NCKAP5: variants seen among roughly 807,000 people sequenced by gnomAD.
NCKAP5 encodes the protein nck-associated protein 5.
NCKAP5 carries 92 observed loss-of-function variants against 167.0 expected under a neutral mutation model. That is an observed-to-expected ratio of 0.55 (90% CI 0.47 to 0.66). The LOEUF is 0.66. NCKAP5 is among the 30% of genes least tolerant of loss of function. The pLI is 0.00. For synonymous variants in NCKAP5, 891 were observed against 877.4 expected (o/e 1.02, Z -0.27); for missense variants, 2,378 against 2,315.0 (o/e 1.03, Z -0.56).
intron 19 of NCKAP5, among the ~76,000 whole-genome samples, chr2:132,720,828 A>C (rs1689845362): frequency 6.6e-6 from 1 of 151,816 alleles, no homozygotes; most frequent in Admixed American, 6.6e-5. Context: ...GGCCAACATA[A>C]TGAAACTCCA....
chr2:133,537,389 G>T (rs1389442437), intron 2 of NCKAP5, among the ~76,000 whole-genome samples: 1 of 152,080 alleles, frequency 6.6e-6, no homozygotes, highest in Admixed American at 6.6e-5. Flanking sequence ...TCAATCTGGG[G>T]AGTAGTGCCA....
At chr2:133,102,571 A>C (rs551557668) in intron 6 of NCKAP5, among the ~76,000 whole-genome samples, 1 of 152,270 alleles carries the variant, frequency 6.6e-6, no homozygotes, top group South Asian at 2.1e-4. Context: ...GTAAACTGCT[A>C]TTTGTCCAAG....
chr2:132,818,040 C>T (rs1050312596), intron 11 of NCKAP5, among the ~76,000 whole-genome samples: 18 of 152,196 alleles, frequency 1.2e-4, no homozygotes, highest in African/African-American at 1.9e-4. Context: ...CTCCACCTCT[C>T]GAGCTCAAAC....
At chr2:132,713,419 A>G (rs1355211782) in intron 19 of NCKAP5, among the ~76,000 whole-genome samples, 1 of 152,204 alleles carries the variant, frequency 6.6e-6, no homozygotes, top group Non-Finnish European at 1.5e-5. Context: ...AAGGGAGGGA[A>G]GACATGTGCT....
intron 3 of NCKAP5, among the ~76,000 whole-genome samples, chr2:133,411,174 G>A (rs1574906173): frequency 1.3e-5 from 2 of 152,276 alleles, no homozygotes; most frequent in East Asian, 3.9e-4. Context: ...CAATGGGAAC[G>A]CTGAATTCCA....
intron 16 of NCKAP5, among the ~76,000 whole-genome samples, chr2:132,736,348 T>C (rs532554812): frequency 6.6e-6 from 1 of 152,346 alleles, no homozygotes; most frequent in African/African-American, 2.4e-5. Context: ...TGTTAAGATA[T>C]TGTACTTCTG....
In NCKAP5 at chr2:133,169,109, G is replaced by C. The variant is rs77435866; in HGVS notation, c.208-38998C>G. 7.3e-4 allele frequency among the ~76,000 whole-genome samples: 111 copies of C among 152,278 alleles called. 2 individuals are homozygous for C. In the East Asian group the frequency reaches 0.02, roughly 27 times the overall value. On this transcript the variant is annotated intron_variant, in intron 5 of 19. Transcript: ENST00000409261. Reference sequence around the variant, plus strand: ...TATACCAGCATCTGTCAGTAGCAGTGAATGTATAAAATAAACATCATAAAG... The same window carrying C: ...TATACCAGCATCTGTCAGTAGCAGTCAATGTATAAAATAAACATCATAAAG...
rs142961626 is a variant in NCKAP5 at position 133,311,129 on chromosome 2, C to T, written c.70-8019G>A. 1.1e-4 allele frequency among the ~76,000 whole-genome samples: 17 copies of T among 152,258 alleles called. No individual in the cohort carries two copies. In the East Asian group the frequency reaches 1.7e-3, roughly 16 times the overall value. On this transcript the variant is annotated intron_variant, in intron 3 of 19. Transcript: ENST00000409261. ...AGGGCTCAGTCCCATAAGACTGCCC[C>T]GGCTTCAGACACCAATCACAAGTAC...
At chr2:133,300,348 T>C (rs1332764440) in intron 4 of NCKAP5, among the ~76,000 whole-genome samples, 2 of 133,562 alleles carry the variant, frequency 1.5e-5, no homozygotes, top group Admixed American at 7.1e-5. Context: ...TAGACGAATA[T>C]CCTTGATGAA....
chr2:133,537,761 C>T (rs1241076335), intron 2 of NCKAP5, among the ~76,000 whole-genome samples: 2 of 151,982 alleles, frequency 1.3e-5, no homozygotes, highest in African/African-American at 4.8e-5. Context: ...CATGAAAAGA[C>T]TCATAGGGTT....
intron 5 of NCKAP5, among the ~76,000 whole-genome samples, chr2:133,202,670 A>T (rs2085751920): frequency 3.9e-5 from 6 of 152,124 alleles, no homozygotes; most frequent in Non-Finnish European, 1.5e-5. Context: ...GAATCTACAA[A>T]GAACTTCAAC....
chr2:133,472,081 A>G (rs1559510044), intron 3 of NCKAP5, among the ~76,000 whole-genome samples: 2 of 152,154 alleles, frequency 1.3e-5, no homozygotes, highest in Non-Finnish European at 2.9e-5. Context: ...CCACCATCTT[A>G]ACTCTAATAC....
intron 19 of NCKAP5, among the ~76,000 whole-genome samples, chr2:132,706,025 C>T (rs547855212): frequency 3.9e-5 from 6 of 152,050 alleles, no homozygotes; most frequent in African/African-American, 1.4e-4. Flanking sequence ...TGCATATGTA[C>T]ACAATATATA....
chr2:133,637,583 GAAA>G, the NCKAP5 span, among the ~76,000 whole-genome samples: 13,375 of 147,122 alleles, frequency 0.091, 653 homozygotes, highest in African/African-American at 0.11. Context: ...GAAATATAAT[GAAA>G]ATGGAGTTAT....
the NCKAP5 span, among the ~76,000 whole-genome samples, chr2:133,620,179 GA>G: frequency 1.3e-5 from 2 of 150,376 alleles, no homozygotes; most frequent in African/African-American, 4.9e-5. Flanking sequence ...ATAACACAAT[GA>G]AAAAAAAAGG....
At chr2:133,349,485 C>T (rs1013793691) in intron 3 of NCKAP5, among the ~76,000 whole-genome samples, 2 of 152,204 alleles carry the variant, frequency 1.3e-5, no homozygotes, top group African/African-American at 4.8e-5. Context: ...CTGTCTTCCT[C>T]GACGGCACTT....
At chr2:133,213,632 T>C (rs530999797) in intron 5 of NCKAP5, 84 bp downstream of exon 5, 2 of 1,318,264 alleles carry the variant, frequency 1.5e-6, no homozygotes, top group South Asian at 2.5e-5. Context: ...ATATTTTCCT[T>C]AGATATCCTT....
intron 5 of NCKAP5, among the ~76,000 whole-genome samples, chr2:133,132,481 GCACACACACACA>G (rs373384379): frequency 1.1e-4 from 14 of 129,996 alleles, no homozygotes; most frequent in African/African-American, 3.2e-4. Flanking sequence ...GAAAAAAAAA[GCACACACACACA>G]CACACACACA....
the NCKAP5 span, among the ~76,000 whole-genome samples, chr2:133,613,990 T>G: frequency 6.6e-6 from 1 of 152,176 alleles, no homozygotes; most frequent in Non-Finnish European, 1.5e-5. Context: ...AGATGGCAGA[T>G]AGCAGGCAGG....
Sources: gnomAD v4.1 joint callset for allele counts (sites outside exome capture counted in the v4.1 genomes callset) on GRCh38, gnomAD v4.1.1 for gene constraint, MANE v1.5 for transcripts, NCBI Gene and HGNC (gene_info 2026-07-23, HGNC 2026-07-21) for gene names.